Variants in DLEU7 observed in about 807,000 individuals in gnomAD.
DLEU7 encodes the protein leukemia-associated protein 7.
DLEU7 carries 17 observed loss-of-function variants against 16.0 expected under a neutral mutation model. The observed-to-expected ratio is 1.06, with a 90% confidence interval of 0.73 to 1.59. DLEU7 has a LOEUF of 1.59. Among genes scored for constraint, DLEU7 ranks in the 40% most tolerant of loss-of-function variants. The pLI, the probability that DLEU7 is intolerant of heterozygous loss-of-function variation, is 0.00. For missense variants in DLEU7, 308 were observed against 314.9 expected, an observed-to-expected ratio of 0.98 and a Z score of 0.17; for synonymous variants, 113 against 139.8, an observed-to-expected ratio of 0.81 and a Z score of 1.35.
intron 1 of DLEU7, among the ~76,000 whole-genome samples, chr13:50,733,406 C>A (rs1185460392): frequency 6.6e-6 from 1 of 152,196 alleles, no homozygotes; most frequent in Non-Finnish European, 1.5e-5. Context: ...CATACTCTTT[C>A]AGTATTCAGC....
At chr13:50,767,537 G>A (rs1486997273) in intron 1 of DLEU7, among the ~76,000 whole-genome samples, 1 of 150,170 alleles carries the variant, frequency 6.7e-6, no homozygotes, top group Admixed American at 6.6e-5. Flanking sequence ...CCATGCTCAA[G>A]ACTTAGTTCA....
intron 1 of DLEU7, among the ~76,000 whole-genome samples, chr13:50,722,441 A>G (rs1420740627): frequency 6.6e-6 from 1 of 152,158 alleles, no homozygotes; most frequent in Non-Finnish European, 1.5e-5. Flanking sequence ...ATTCTTCCAT[A>G]ATATATTTTT....
chr13:50,784,248 T>C lies in DLEU7; in HGVS notation c.459+58940A>G, dbSNP rs554936900. On this transcript the variant is annotated intron_variant, in intron 1 of 1. Coordinates refer to the DLEU7 transcript ENST00000400393. ...CAAGACATATTAAAGAAGGATTTTT[T>C]CCTAGCTGCTTACTTCAGAACATTG... is the stretch of plus-strand genomic sequence containing the variant. 3.3e-5 allele frequency among the ~76,000 whole-genome samples: 5 copies of C among 152,322 alleles called. No individual in the cohort carries two copies. The South Asian group carries it at 6.2e-4, about 19-fold the overall frequency.
At chr13:50,759,849 C>A (rs1874872542) in intron 1 of DLEU7, among the ~76,000 whole-genome samples, 2 of 152,214 alleles carry the variant, frequency 1.3e-5, no homozygotes, top group African/African-American at 4.8e-5. Flanking sequence ...CACCCCTCCA[C>A]AGCAAGAACT....
At chr13:50,838,869 C>T (rs983434609) in intron 1 of DLEU7, among the ~76,000 whole-genome samples, 3 of 152,186 alleles carry the variant, frequency 2.0e-5, no homozygotes, top group African/African-American at 4.8e-5. Context: ...GCACGCACTG[C>T]GGACGGGCCA....
rs1593396657 is a variant in DLEU7, at chr13:50,790,300, A to G, written c.459+52888T>C. On this transcript the variant is annotated intron_variant, in intron 1 of 1. Transcript: ENST00000400393. ...CTATCAATATCTCTTTCTTTTGTTA[A>G]AAATAAAAATAAAAATAAAAAGATC... Among the ~76,000 whole-genome samples, 4 of 152,102 alleles carry G rather than the reference A, an allele frequency of 2.6e-5. No individual in the cohort carries two copies. The South Asian group carries it at 8.3e-4, about 32-fold the overall frequency.
chr13:50,730,955 A>G (rs1873896170), intron 1 of DLEU7, among the ~76,000 whole-genome samples: 2 of 152,178 alleles, frequency 1.3e-5, no homozygotes, highest in African/African-American at 4.8e-5. Flanking sequence ...CCACATAACA[A>G]AAGGATCAGA....
chr13:50,825,249 T>TA (rs1233924258), intron 1 of DLEU7, among the ~76,000 whole-genome samples: 3 of 152,184 alleles, frequency 2.0e-5, no homozygotes, highest in African/African-American at 7.2e-5. Context: ...GTATGCACCT[T>TA]AAAAAATCAC....
intron 1 of DLEU7, among the ~76,000 whole-genome samples, chr13:50,755,757 G>T (rs971615489): frequency 2.0e-5 from 3 of 151,792 alleles, no homozygotes; most frequent in Admixed American, 6.6e-5. Context: ...TTTTTTGAGG[G>T]GGGGGGCACG....
chr13:50,761,416 T>C (rs574940894), intron 1 of DLEU7, among the ~76,000 whole-genome samples: 1 of 129,074 alleles, frequency 7.7e-6, no homozygotes, highest in East Asian at 2.0e-4. Context: ...TAGGGGCTAA[T>C]GTCATGTGCA....
chr13:50,817,854 G>A (rs1166015265), intron 1 of DLEU7, among the ~76,000 whole-genome samples: 1 of 152,032 alleles, frequency 6.6e-6, no homozygotes, highest in Admixed American at 6.6e-5. Context: ...TGATCTGGGA[G>A]CTCTTAGAGC....
chr13:50,799,885 A>G (rs905917930), intron 1 of DLEU7, among the ~76,000 whole-genome samples: 2 of 152,218 alleles, frequency 1.3e-5, no homozygotes, highest in African/African-American at 2.4e-5. Flanking sequence ...GTTTTAGATT[A>G]TCTGTCCTGC....
chr13:50,735,843 C>T (rs1268808029), intron 1 of DLEU7, among the ~76,000 whole-genome samples: 3 of 151,974 alleles, frequency 2.0e-5, no homozygotes, highest in African/African-American at 4.8e-5. Context: ...ATTACTAAAA[C>T]GTCAAAAAAT....
chr13:50,719,324 G>T (rs1280242502), intron 1 of DLEU7, among the ~76,000 whole-genome samples: 2 of 152,190 alleles, frequency 1.3e-5, no homozygotes, highest in Non-Finnish European at 1.5e-5. Context: ...ACATTTTTGA[G>T]AGTGGAAATA....
At chr13:50,781,594 A>G (rs573316662) in intron 1 of DLEU7, among the ~76,000 whole-genome samples, 58 of 152,234 alleles carry the variant, frequency 3.8e-4, no homozygotes, top group Middle Eastern at 6.8e-3. Flanking sequence ...TAAAACACAC[A>G]TTTGATGGTG....
intron 1 of DLEU7, among the ~76,000 whole-genome samples, chr13:50,740,804 A>G (rs1247424474): frequency 1.3e-5 from 2 of 152,196 alleles, no homozygotes; most frequent in African/African-American, 4.8e-5. Flanking sequence ...TATTACTTTG[A>G]TCTTATGAGT....
chr13:50,779,322 A>G (rs1327533143), intron 1 of DLEU7, among the ~76,000 whole-genome samples: 1 of 152,196 alleles, frequency 6.6e-6, no homozygotes, highest in Non-Finnish European at 1.5e-5. Flanking sequence ...TAGCTGCCAT[A>G]GTGTACCAAA....
intron 1 of DLEU7, among the ~76,000 whole-genome samples, chr13:50,812,573 T>G (rs191286942): frequency 6.6e-6 from 1 of 152,152 alleles, no homozygotes; most frequent in South Asian, 2.1e-4. Context: ...CCTGTCTCCA[T>G]GCATCTGAGG....
intron 1 of DLEU7, among the ~76,000 whole-genome samples, chr13:50,807,703 C>T (rs1202709049): frequency 6.6e-6 from 1 of 152,072 alleles, no homozygotes; most frequent in Non-Finnish European, 1.5e-5. Flanking sequence ...TAAGCCAGCC[C>T]GGGCATCATA....
Sources: gnomAD v4.1 joint callset for allele counts (sites outside exome capture counted in the v4.1 genomes callset) on GRCh38, gnomAD v4.1.1 for gene constraint, MANE v1.5 for transcripts, NCBI Gene and HGNC (gene_info 2026-07-23, HGNC 2026-07-21) for gene names.